The following SORCS3 variants were observed in gnomAD, a reference collection of about 807,000 sequenced individuals.
The protein encoded by SORCS3 is VPS10 domain-containing receptor SorCS3.
A neutral mutation model predicts 146.3 loss-of-function variants in SORCS3; 57 were observed. The ratio of observed to expected loss-of-function variants is 0.39; its 90% CI spans 0.31 to 0.49. SORCS3 has a LOEUF of 0.49. SORCS3 is among the 20% of genes least tolerant of loss of function. The pLI is 0.92. For missense variants in SORCS3, 1,341 were observed against 1,575.5 expected, an observed-to-expected ratio of 0.85 and a Z score of 2.52; for synonymous variants, 653 against 618.5, an observed-to-expected ratio of 1.06 and a Z score of -0.83.
At chr10:104,907,334 G>A (rs1036531527) in intron 2 of SORCS3, among the ~76,000 whole-genome samples, 43 of 152,120 alleles carry the variant, frequency 2.8e-4, no homozygotes, top group African/African-American at 9.4e-4. Flanking sequence ...TTGCCTGATA[G>A]GTTAGAGTTT....
chr10:104,734,915 A>G (rs2016749818), intron 1 of SORCS3, among the ~76,000 whole-genome samples: 1 of 152,210 alleles, frequency 6.6e-6, no homozygotes, highest in Non-Finnish European at 1.5e-5. Context: ...AAATGAGATG[A>G]AGTATGTGCA....
chr10:105,036,499 C>T (rs536794505), intron 4 of SORCS3, among the ~76,000 whole-genome samples: 80 of 152,282 alleles, frequency 5.3e-4, no homozygotes, highest in African/African-American at 1.9e-3. Context: ...TGGCTCACAC[C>T]TGTAAACCCA....
At chr10:104,756,600 G>A (rs2017055317) in intron 1 of SORCS3, among the ~76,000 whole-genome samples, 1 of 152,146 alleles carries the variant, frequency 6.6e-6, no homozygotes, top group Non-Finnish European at 1.5e-5. Context: ...ATCAGCTGGG[G>A]TTTGAATGGG....
Position 104,846,749 on chromosome 10 carries a change from G to T in SORCS3, c.695+3890G>T, listed in dbSNP as rs59151689. On this transcript the variant is annotated intron_variant, in intron 2 of 26. Coordinates refer to ENST00000369701, the MANE Select transcript of SORCS3 (RefSeq NM_014978.3). ...ACCAGAGTAGTTATGTAAATTTGTC[G>T]TTTAGCACAACCATCTGTTGGTATC... Among the ~76,000 whole-genome samples, 1,452 of 152,236 alleles carry T rather than the reference G, an allele frequency of 9.5e-3. 20 individuals are homozygous for T. Among genetic ancestry groups the T allele is most frequent in the African/African-American group, 0.033 (1,372 of 41,520 alleles).
At chr10:104,837,549 A>T (rs1406220360) in intron 1 of SORCS3, among the ~76,000 whole-genome samples, 2 of 152,152 alleles carry the variant, frequency 1.3e-5, no homozygotes, top group Non-Finnish European at 2.9e-5. Context: ...TCAAAAAGGT[A>T]CTTATTTGAC....
At chr10:104,965,173 C>T (rs1323350342) in intron 3 of SORCS3, among the ~76,000 whole-genome samples, 1 of 152,200 alleles carries the variant, frequency 6.6e-6, no homozygotes, top group African/African-American at 2.4e-5. Flanking sequence ...GCTATGAGCA[C>T]TGGGTGAACG....
At chr10:105,013,634 G>C (rs977664374) in intron 4 of SORCS3, among the ~76,000 whole-genome samples, 3 of 151,968 alleles carry the variant, frequency 2.0e-5, no homozygotes, top group African/African-American at 7.2e-5. Flanking sequence ...AGTTGGGCAA[G>C]GTTTTTATTG....
chr10:105,122,203 C>A (rs567924233), intron 7 of SORCS3, among the ~76,000 whole-genome samples: 1 of 152,152 alleles, frequency 6.6e-6, no homozygotes, highest in Non-Finnish European at 1.5e-5. Flanking sequence ...TTCCCATTAC[C>A]GCTCTAATTA....
intron 2 of SORCS3, among the ~76,000 whole-genome samples, chr10:104,866,785 A>G (rs1257080860): frequency 6.6e-6 from 1 of 152,200 alleles, no homozygotes; most frequent in Non-Finnish European, 1.5e-5. Context: ...TTCACTTTTT[A>G]CTAACTCAGG....
chr10:104,834,942 T>A (rs1033418075), intron 1 of SORCS3, among the ~76,000 whole-genome samples: 5 of 152,092 alleles, frequency 3.3e-5, no homozygotes, highest in Admixed American at 3.3e-4. Flanking sequence ...AGCCACAGAG[T>A]TGGTAATGCT....
chr10:104,867,210 AGAGG>A, intron 2 of SORCS3, among the ~76,000 whole-genome samples: 1 of 151,418 alleles, frequency 6.6e-6, no homozygotes, highest in African/African-American at 2.4e-5. Context: ...AGAGGAGAGG[AGAGG>A]AGAGGAGGGG....
rs1047015766 is a variant in SORCS3 at position 105,252,653 on chromosome 10, G to A, written c.3106-122G>A. ...AGCCTGAATGTATATTGGAGCCTGT[G>A]CCTAAAAAGCTGCATTTGAAAAACT... On this transcript the variant is annotated intron_variant, in intron 22 of 26. Coordinates refer to ENST00000369701, the MANE Select transcript of SORCS3 (RefSeq NM_014978.3). The A allele has an allele frequency of 5.0e-6, 6 of 1,189,178 alleles. No individual in the cohort carries two copies. The Admixed American group carries it at 1.3e-4, about 26-fold the overall frequency. The allele number at this position is 1,189,178 out of a possible 1,614,324, so 73.7% of individuals were successfully genotyped here.
Position 104,887,971 on chromosome 10 carries a change from G to GCTGC in SORCS3, c.696-27862_696-27861insCTGC, listed in dbSNP as rs1554857309. ...AACATGGTGGGGGCGGGGGGGCGGG[G>GCTGC]GCGGAGCAAGCCCATGAAGACAGCA... On this transcript the variant is annotated intron_variant, in intron 2 of 26. Transcript: ENST00000369701. Among the ~76,000 whole-genome samples the GCTGC allele has an allele frequency of 4.6e-4, 38 of 83,120 alleles. 1 individual carries two copies. The highest frequency in any genetic ancestry group is 6.2e-4 in the Non-Finnish European group (25 of 40,482). The allele number at this position is 83,120 out of a possible 152,430, so 54.5% of individuals were successfully genotyped here.
intron 1 of SORCS3, among the ~76,000 whole-genome samples, chr10:104,806,987 C>T (rs2017685329): frequency 6.6e-6 from 1 of 152,008 alleles, no homozygotes; most frequent in Admixed American, 6.6e-5. Context: ...CTTTCTGGAC[C>T]TTGGGGAATT....
At chr10:104,828,961 C>G (rs1312919296) in intron 1 of SORCS3, among the ~76,000 whole-genome samples, 1 of 152,100 alleles carries the variant, frequency 6.6e-6, no homozygotes, top group African/African-American at 2.4e-5. Context: ...ACATTGCTCC[C>G]AGAAAGGAGA....
At chr10:104,792,521 C>T (rs1206359055) in intron 1 of SORCS3, among the ~76,000 whole-genome samples, 1 of 152,156 alleles carries the variant, frequency 6.6e-6, no homozygotes, top group Non-Finnish European at 1.5e-5. Context: ...TTTTATTCCC[C>T]TTGGATTGCT....
chr10:105,222,725 C>A (rs949092696), intron 19 of SORCS3, among the ~76,000 whole-genome samples: 1 of 152,124 alleles, frequency 6.6e-6, no homozygotes, highest in South Asian at 2.1e-4. Context: ...AATGGAAGAG[C>A]CTTCCATACA....
At position 104,647,434 on chromosome 10, in the gene SORCS3, T is replaced by C. The variant is rs546533255; in HGVS notation, c.627+5480T>C. Among the ~76,000 whole-genome samples the C allele has an allele frequency of 4.6e-4, 70 of 152,370 alleles. 1 individual carries two copies. The highest frequency in any genetic ancestry group is 1.6e-3 in the African/African-American group (67 of 41,598). ...ATTTCTCTTTTCCCCTACTTGTTTA[T>C]AGAATTTGCAGAGTGCACCACACAT... On this transcript the variant is annotated intron_variant, in intron 1 of 26. Coordinates refer to ENST00000369701, the MANE Select transcript of SORCS3 (RefSeq NM_014978.3).
chr10:104,749,249 G>C (rs1015416145), intron 1 of SORCS3, among the ~76,000 whole-genome samples: 1 of 151,838 alleles, frequency 6.6e-6, no homozygotes, highest in Non-Finnish European at 1.5e-5. Context: ...GTGTGTGTGT[G>C]TGTGTGTGTG....
Sources: allele counts gnomAD v4.1 joint callset (sites outside exome capture counted in the v4.1 genomes callset), GRCh38; gene constraint gnomAD v4.1.1; transcripts MANE v1.5; gene names NCBI Gene and HGNC (gene_info 2026-07-23, HGNC 2026-07-21).